NSL1: variants seen among roughly 807,000 people sequenced by gnomAD.
NSL1 encodes kinetochore-associated protein NSL1 homolog.
A neutral mutation model predicts 25.4 loss-of-function variants in NSL1; 11 were observed. That is an observed-to-expected ratio of 0.43 (90% CI 0.27 to 0.72). The LOEUF (loss-of-function observed/expected upper bound fraction) is 0.72. NSL1 is among the 30% of genes least tolerant of loss of function. NSL1 has a pLI of 0.19. For missense variants in NSL1, 330 were observed against 342.7 expected, an observed-to-expected ratio of 0.96 and a Z score of 0.29; for synonymous variants, 118 against 120.6, an observed-to-expected ratio of 0.98 and a Z score of 0.14.
intron 4 of NSL1, among the ~76,000 whole-genome samples, chr1:212,780,881 TA>T (rs1660705063): frequency 1.6e-4 from 24 of 152,188 alleles, no homozygotes; most frequent in Admixed American, 1.4e-3. Context: ...ACCACCTAGA[TA>T]AGTAGGCAAG....
rs1658111961 is a variant in NSL1 at position 212,733,466 on chromosome 1, A to G, written c.*4942T>C. Among the ~76,000 whole-genome samples the G allele has an allele frequency of 6.6e-6, 1 of 150,380 alleles. No homozygotes were observed. Among genetic ancestry groups the G allele is most frequent in the African/African-American group, 2.4e-5 (1 of 41,132 alleles). ...AAAAAAAAAAAATCCCATACCCATT[A>G]GCAGTCACTTCCTATTCCTTCCACC... On this transcript the variant is annotated 3_prime_UTR_variant, in exon 6 of 6. Transcript: ENST00000366977.
intron 4 of NSL1, among the ~76,000 whole-genome samples, chr1:212,779,272 C>G (rs1660556214): frequency 1.4e-5 from 2 of 148,002 alleles, no homozygotes; most frequent in African/African-American, 5.0e-5. Context: ...GCCGCCCCGT[C>G]TCGGAGGGAG....
rs370702166 is a variant in NSL1 at position 212,728,830 on chromosome 1, A to T, written c.*9578T>A. The T allele has an allele frequency of 4.7e-5, 46 of 985,368 alleles. No homozygotes were observed. In the East Asian group the frequency reaches 3.9e-3, roughly 83 times the overall value. The allele number at this position is 985,368 out of a possible 1,614,324, so 61.0% of individuals were successfully genotyped here. On this transcript the variant is annotated 3_prime_UTR_variant, in exon 6 of 6. Transcript: ENST00000366977. ...TCGAGGAGGGCCCTCAGCGCAGAGA[A>T]AATTAAGTCTAGTGTTTGCAGGAGG...
rs191124138 is a variant in NSL1, at chr1:212,736,536, G to A, written c.*1872C>T. The A allele has an allele frequency of 9.1e-5, 90 of 983,670 alleles. No individual in the cohort carries two copies. The Admixed American group carries it at 1.4e-3, about 15-fold the overall frequency. The allele number at this position is 983,670 out of a possible 1,614,324, so 60.9% of individuals were successfully genotyped here. ...AGTATACTTATTCAATATTATTACT[G>A]CTATTGGTCATGCTTTTCTTAGTTA... is the stretch of plus-strand genomic sequence containing the variant. On this transcript the variant is annotated 3_prime_UTR_variant, in exon 6 of 6. Transcript: ENST00000366977.
intron 4 of NSL1, among the ~76,000 whole-genome samples, chr1:212,741,062 T>C (rs59231663): frequency 0.18 from 28,006 of 152,080 alleles, 2,977 homozygotes; most frequent in African/African-American, 0.3. Flanking sequence ...AAAATAAAAA[T>C]GTATTTTTTT....
At chr1:212,777,001 C>G (rs1014701859) in intron 4 of NSL1, among the ~76,000 whole-genome samples, 1 of 149,990 alleles carries the variant, frequency 6.7e-6, no homozygotes, top group Admixed American at 6.6e-5. Flanking sequence ...AACCAGAAAA[C>G]AAACAAACAA....
rs1657980475 is a variant in NSL1, at chr1:212,730,737, T to C, written c.*7671A>G. ...GCAGGGATATGGGAATTAGACTTAG[T>C]TCTAGTAGACGTAGTTCTAGTAGAC... On this transcript the variant is annotated 3_prime_UTR_variant, in exon 6 of 6. Coordinates refer to ENST00000366977, the MANE Select transcript of NSL1 (RefSeq NM_015471.4). 1.0e-6 allele frequency: 1 copy of C among 985,268 alleles called. No individual in the cohort carries two copies. Among genetic ancestry groups the C allele is most frequent in the Admixed American group, 6.2e-5 (1 of 16,250 alleles). The allele number at this position is 985,268 out of a possible 1,614,324, so 61.0% of individuals were successfully genotyped here. A position where few individuals can be genotyped will look rare whatever the true frequency, so the allele number is the denominator to read the frequency against.
At position 212,760,249 on chromosome 1, in the gene NSL1, A is replaced by G. The variant is rs1659502630; in HGVS notation, c.500-20648T>C. 6.6e-6 allele frequency among the ~76,000 whole-genome samples: 1 copy of G among 151,884 alleles called. No individual in the cohort carries two copies. The highest frequency in any genetic ancestry group is 2.1e-4 in the South Asian group (1 of 4,808). On this transcript the variant is annotated intron_variant, in intron 4 of 5. Coordinates refer to ENST00000366977, the MANE Select transcript of NSL1 (RefSeq NM_015471.4). The surrounding 1 kb of genome is among the most constrained non-coding windows in gnomAD (Gnocchi z 4.3). Reference sequence around the variant, plus strand: ...GCAAAGGGATAGCCCTGCCCTGCCCACCACAACTTTAGGCACACCATCAGG... The same window carrying G: ...GCAAAGGGATAGCCCTGCCCTGCCCGCCACAACTTTAGGCACACCATCAGG...
chr1:212,739,482 C>A, intron 5 of NSL1, 52 bp downstream of exon 5: 1 of 1,544,802 alleles, frequency 6.5e-7, no homozygotes, highest in South Asian at 1.1e-5. Context: ...AATGCAAATA[C>A]CTAGCCATAC....
At position 212,757,091 on chromosome 1, in the gene NSL1, C is replaced by T. The variant is rs144873885; in HGVS notation, c.500-17490G>A. 7.4e-4 allele frequency among the ~76,000 whole-genome samples: 112 copies of T among 152,236 alleles called. 1 individual carries two copies. In the East Asian group the frequency reaches 0.011, roughly 15 times the overall value. The stretch of plus-strand genomic sequence containing the variant: ...AGTGCAAGAGTCAGGCAGGTAGTTT[C>T]GGAGAGCAGTTTCAAATACAGGGAG... On this transcript the variant is annotated intron_variant, in intron 4 of 5. Coordinates refer to ENST00000366977, the MANE Select transcript of NSL1 (RefSeq NM_015471.4).
intron 4 of NSL1, among the ~76,000 whole-genome samples, chr1:212,764,956 C>T (rs765493935): frequency 6.7e-6 from 1 of 149,904 alleles, no homozygotes; most frequent in Non-Finnish European, 1.5e-5. Flanking sequence ...ACTATGAACA[C>T]CTTTATGTGC....
At chr1:212,772,147 G>A (rs1660150538) in intron 4 of NSL1, among the ~76,000 whole-genome samples, 1 of 152,166 alleles carries the variant, frequency 6.6e-6, no homozygotes, top group South Asian at 2.1e-4. Context: ...GTTGAACTGT[G>A]AGTCCATTAA....
At chr1:212,772,365 G>A (rs978223474) in intron 4 of NSL1, among the ~76,000 whole-genome samples, 1 of 152,008 alleles carries the variant, frequency 6.6e-6, no homozygotes, top group Non-Finnish European at 1.5e-5. Context: ...CAGAAATAGA[G>A]AAAGCAATCC....
At chr1:212,770,961 C>G (rs372296919) in intron 4 of NSL1, among the ~76,000 whole-genome samples, 6 of 152,166 alleles carry the variant, frequency 3.9e-5, no homozygotes, top group East Asian at 3.8e-4. Flanking sequence ...ATCATACTAT[C>G]ATCTCAATAG....
At chr1:212,761,559 A>C (rs1659565791) in intron 4 of NSL1, among the ~76,000 whole-genome samples, 1 of 152,126 alleles carries the variant, frequency 6.6e-6, no homozygotes, top group Non-Finnish European at 1.5e-5. Flanking sequence ...GAATTGCTTG[A>C]GCTCAGGAAG....
rs111666691 is a variant in NSL1 at position 212,760,158 on chromosome 1, A to T, written c.500-20557T>A. Among the ~76,000 whole-genome samples, 2,348 of 151,872 alleles carry T rather than the reference A, an allele frequency of 0.015. 69 individuals are homozygous for T. The highest frequency in any genetic ancestry group is 0.054 in the African/African-American group (2,254 of 41,412). ...GCTTCTGGGGCACACACACACACAC[A>T]CCATAAGGGAGCTTAACAGCAGGTC... On this transcript the variant is annotated intron_variant, in intron 4 of 5. Transcript: ENST00000366977. This position sits in a 1 kb window ranked among gnomAD's most constrained non-coding sequence, Gnocchi z 4.3.
intron 5 of NSL1, 106 bp downstream of exon 5, chr1:212,739,428 C>T (rs1658395229): frequency 4.1e-6 from 4 of 972,654 alleles, no homozygotes; most frequent in East Asian, 5.2e-5. Flanking sequence ...TAAAGGACCG[C>T]TGAGAATTCC....
rs1330687886 is a variant in NSL1 at position 212,738,242 on chromosome 1, C to T, written c.*166G>A. The T allele has an allele frequency of 1.5e-6, 2 of 1,367,876 alleles. No homozygotes were observed. The highest frequency in any genetic ancestry group is 1.9e-5 in the South Asian group (1 of 51,452). The allele number at this position is 1,367,876 out of a possible 1,614,324, so 84.7% of individuals were successfully genotyped here. A position where few individuals can be genotyped will look rare whatever the true frequency, so the allele number is the denominator to read the frequency against. On this transcript the variant is annotated 3_prime_UTR_variant, in exon 6 of 6. Transcript: ENST00000366977. ...CAATAGATAAAACAGTAAGGAAATA[C>T]AATATTATATCATATCCCCGCACAG... is the stretch of plus-strand genomic sequence containing the variant.
intron 4 of NSL1, among the ~76,000 whole-genome samples, chr1:212,753,351 A>G (rs1024484603): frequency 2.0e-5 from 3 of 152,200 alleles, no homozygotes; most frequent in African/African-American, 7.2e-5. Context: ...CTTTTGTTCC[A>G]TGAATACTCA....
Sources: allele counts gnomAD v4.1 joint callset (sites outside exome capture counted in the v4.1 genomes callset), GRCh38; gene constraint gnomAD v4.1.1; non-coding constraint Gnocchi (gnomAD v3.1); transcripts MANE v1.5; gene names NCBI Gene and HGNC (gene_info 2026-07-23, HGNC 2026-07-21).